Variants in PDXDC1 observed in about 807,000 individuals in gnomAD.
The protein encoded by PDXDC1 is pyridoxal dependent decarboxylase domain containing 1, also known as pyridoxal-dependent decarboxylase domain-containing protein 1.
In PDXDC1, 42 loss-of-function variants were observed where a neutral mutation model predicts 100.1. The observed-to-expected ratio is 0.42, with a 90% CI of 0.33 to 0.54. The LOEUF (loss-of-function observed/expected upper bound fraction) is 0.54, where lower values mean the gene tolerates loss of function less well. Ranked by LOEUF, PDXDC1 falls within the 20% of genes least tolerant of loss-of-function variation. PDXDC1 has a pLI of 0.10. For synonymous variants in PDXDC1, 260 were observed against 371.7 expected (o/e 0.70, Z 3.46); for missense variants, 636 against 979.2 (o/e 0.65, Z 4.68).
intron 16 of PDXDC1, among the ~76,000 whole-genome samples, chr16:15,103,607 G>A (rs1490060450): frequency 4.8e-4 from 72 of 148,944 alleles, no homozygotes; most frequent in Admixed American, 2.2e-3. Flanking sequence ...GGGTTCAAGC[G>A]ATTCTCATGC....
chr16:15,100,387 A>G (rs540929694), intron 16 of PDXDC1, among the ~76,000 whole-genome samples: 6 of 152,358 alleles, frequency 3.9e-5, no homozygotes, highest in South Asian at 4.1e-4. Context: ...ATGTGTATGT[A>G]TACATACATT....
chr16:15,007,733 T>A (rs1246864297), intron 6 of PDXDC1, among the ~76,000 whole-genome samples: 1 of 152,274 alleles, frequency 6.6e-6, no homozygotes, highest in Non-Finnish European at 1.5e-5. Flanking sequence ...ATGGGGAGTT[T>A]AATAATAATC....
intron 16 of PDXDC1, among the ~76,000 whole-genome samples, chr16:15,075,385 C>T (rs1384918402): frequency 6.6e-6 from 1 of 151,992 alleles, no homozygotes; most frequent in African/African-American, 2.4e-5. Context: ...CCAGCCTGGG[C>T]AACACAGTGA....
At chr16:14,999,704 CAA>C (rs1454694736) in intron 3 of PDXDC1, among the ~76,000 whole-genome samples, 1 of 152,226 alleles carries the variant, frequency 6.6e-6, no homozygotes, top group Non-Finnish European at 1.5e-5. Flanking sequence ...AGGAAAATGT[CAA>C]ATTACTTATT....
chr16:14,988,374 C>G (rs1969903913), intron 1 of PDXDC1: 2 of 1,614,288 alleles, frequency 1.2e-6, no homozygotes, highest in Admixed American at 1.7e-5. Context: ...GGAGGCCAAG[C>G]TGAACCAGAA....
chr16:15,086,273 G>C (rs1430298473), intron 16 of PDXDC1: 1 of 1,562,360 alleles, frequency 6.4e-7, no homozygotes, highest in East Asian at 2.3e-5. Context: ...AGTGGGGGAA[G>C]AAAGATAAAA....
intron 16 of PDXDC1, chr16:15,131,526 G>T (rs9939643): frequency 4.4e-6 from 7 of 1,608,884 alleles, no homozygotes; most frequent in Non-Finnish European, 5.9e-6. Context: ...CCTGGGCCAC[G>T]ATCTCCTCGC....
intron 16 of PDXDC1, among the ~76,000 whole-genome samples, chr16:15,058,132 A>C (rs2151746115): frequency 6.6e-6 from 1 of 152,122 alleles, no homozygotes; most frequent in Admixed American, 6.5e-5. Flanking sequence ...CAACACAGGG[A>C]TCCCTGCTTC....
At chr16:15,041,540 C>T (rs572586323), downstream of PDXDC1, 111 of 902,818 alleles carry the variant, frequency 1.2e-4, no homozygotes, top group Non-Finnish European at 1.7e-4. Context: ...CAGTGTGTGC[C>T]GGTGCTTGGG....
chr16:15,068,551 A>G (rs1039481659), intron 16 of PDXDC1, among the ~76,000 whole-genome samples: 2 of 152,174 alleles, frequency 1.3e-5, no homozygotes, highest in Non-Finnish European at 2.9e-5. Flanking sequence ...TGTGAAATTC[A>G]TATGTTTGCA....
At chr16:15,130,740 G>C in intron 16 of PDXDC1, 1 of 1,415,462 alleles carries the variant, frequency 7.1e-7, no homozygotes, top group African/African-American at 1.4e-5. Flanking sequence ...CCGGGGCTCC[G>C]AGTGCAGGTA....
At chr16:15,034,635 T>C in intron 21 of PDXDC1, 82 bp downstream of exon 21, 1 of 978,386 alleles carries the variant, frequency 1.0e-6, no homozygotes, top group South Asian at 1.3e-5. Flanking sequence ...CACTTCCCAC[T>C]GAGAATCCCG....
chr16:15,034,730 C>T (rs1206647729), intron 21 of PDXDC1, among the ~76,000 whole-genome samples, 177 bp downstream of exon 21: 1 of 152,182 alleles, frequency 6.6e-6, no homozygotes, highest in Non-Finnish European at 1.5e-5. Flanking sequence ...CTCCCCACCG[C>T]ACCCTGGCGG....
chr16:15,130,624 G>C, intron 16 of PDXDC1: 1 of 1,356,694 alleles, frequency 7.4e-7, no homozygotes, highest in Non-Finnish European at 1.1e-6. Context: ...AGGCCGGCCC[G>C]CAGAGCTCAC....
At chr16:15,023,785 C>T (rs958532312) in intron 13 of PDXDC1, among the ~76,000 whole-genome samples, 1 of 152,288 alleles carries the variant, frequency 6.6e-6, no homozygotes, top group African/African-American at 2.4e-5. Flanking sequence ...GGAAGTGGAC[C>T]ACTGGAGAAG....
intron 3 of PDXDC1, among the ~76,000 whole-genome samples, chr16:14,999,356 C>T (rs1167483329): frequency 5.9e-5 from 9 of 152,256 alleles, no homozygotes; most frequent in South Asian, 4.2e-4. Flanking sequence ...CATAAGCCAC[C>T]GCACCTGGCC....
chr16:15,131,421 C>G, intron 16 of PDXDC1: 3 of 1,608,316 alleles, frequency 1.9e-6, no homozygotes, highest in Non-Finnish European at 2.5e-6. Context: ...TGAGGTTAGC[C>G]GGGGCCCTGC....
intron 16 of PDXDC1, among the ~76,000 whole-genome samples, chr16:15,075,864 T>G (rs754019154): frequency 6.8e-4 from 104 of 152,058 alleles, no homozygotes; most frequent in Middle Eastern, 3.2e-3. Context: ...TGGCGGCCAA[T>G]AGCTCACAGC....
downstream of PDXDC1, among the ~76,000 whole-genome samples, chr16:15,141,106 T>TGCCACCCTCCATCCCG (rs2048467617): frequency 8.2e-6 from 1 of 121,774 alleles, no homozygotes; most frequent in African/African-American, 2.9e-5. Context: ...CCTCCATCCC[T>TGCCACCCTCCATCCCG]GAGCACCCGC....
Sources: gnomAD v4.1 joint callset for allele counts (sites outside exome capture counted in the v4.1 genomes callset) on GRCh38, gnomAD v4.1.1 for gene constraint, MANE v1.5 for transcripts, NCBI Gene and HGNC (gene_info 2026-07-23, HGNC 2026-07-21) for gene names.